NOP56: variants seen among roughly 807,000 people sequenced by gnomAD.
The protein encoded by NOP56 is NOP56 ribonucleoprotein.
NOP56 carries 31 observed loss-of-function variants against 58.3 expected under a neutral mutation model. The ratio of observed to expected loss-of-function variants is 0.53; its 90% CI spans 0.40 to 0.72. The LOEUF (loss-of-function observed/expected upper bound fraction) is 0.72, where lower values mean the gene tolerates loss of function less well. NOP56 is among the 30% of genes least tolerant of loss of function. The pLI is 0.00. For missense variants in NOP56, 669 were observed against 739.9 expected, an observed-to-expected ratio of 0.90 and a Z score of 1.11; for synonymous variants, 313 against 282.8, an observed-to-expected ratio of 1.11 and a Z score of -1.07.
chr20:2,653,186 T>C, intron 2 of NOP56, 93 bp from the exon 3 acceptor site: 2 of 1,070,888 alleles, frequency 1.9e-6, no homozygotes, highest in East Asian at 2.4e-5. Flanking sequence ...ATCAGCATAT[T>C]TTAAGAGCTT....
rs757279494 is a variant in NOP56, at chr20:2,656,420, A to G, written c.1030A>G (p.Asn344Asp). Residue 344 changes from asparagine (N) to aspartate (D), a missense_variant, in exon 9 of 12, where the codon AAC becomes GAC. By Grantham distance (23) the Asn-to-Asp change is conservative. This residue lies in a region of NOP56 where 339 missense variants were observed against 430.5 expected (regional missense o/e 0.79). Coordinates refer to ENST00000329276, the MANE Select transcript of NOP56 (RefSeq NM_006392.4). ...TCTCAGAGCCCTGAAGACAAGGGGT[A>G]ACACTCCAAAATATGGACTCATTTT... is the stretch of plus-strand genomic sequence containing the variant. ...ALFRALKTRG[N>D]TPKYGLIFHS... The G allele has an allele frequency of 3.1e-6, 5 of 1,614,164 alleles. No individual in the cohort carries two copies. The Admixed American group carries it at 5.0e-5, about 16-fold the overall frequency.
intron 1 of NOP56, 80 bp from the exon 2 acceptor site, chr20:2,652,762 T>TGGGCCA (rs775269198): frequency 1.3e-6 from 2 of 1,540,514 alleles, no homozygotes; most frequent in Non-Finnish European, 1.7e-6. Flanking sequence ...GGCCTGCGCC[T>TGGGCCA]GCGCCTGCGC....
In NOP56 at chr20:2,657,913, CT is replaced by C; in HGVS notation, c.1420-15del. On this transcript the variant is annotated splice_polypyrimidine_tract_variant and intron_variant, in intron 11 of 11. Coordinates refer to ENST00000329276, the MANE Select transcript of NOP56 (RefSeq NM_006392.4). ...AGCACTGTTCTCACAGCCTGTTCCC[CT>C]GTCCTTCCCTTTAGGAGATGAGTGA... 3.8e-6 allele frequency: 6 copies of C among 1,562,004 alleles called. No homozygotes were observed. The highest frequency in any genetic ancestry group is 4.3e-6 in the Non-Finnish European group (5 of 1,155,504).
Position 2,656,926 on chromosome 20 carries a change from C to T in NOP56, c.1281+31C>T, listed in dbSNP as rs764220486. ...TTGGGCTTTGCTGGGTGTGGAGTGGCATAGCTAGCTGTTGGAGGTGATGAA... is the reference window on the plus strand; with the variant it reads ...TTGGGCTTTGCTGGGTGTGGAGTGGTATAGCTAGCTGTTGGAGGTGATGAA... On this transcript the variant is annotated intron_variant, in intron 10 of 11. Transcript: ENST00000329276. 10 of 1,613,880 alleles carry T rather than the reference C, an allele frequency of 6.2e-6. 1 individual carries two copies. The South Asian group carries it at 6.6e-5, about 11-fold the overall frequency.
chr20:2,654,792 T>C lies in NOP56; in HGVS notation c.414T>C (p.Asp138=). 1 of 1,614,166 alleles carries C rather than the reference T, an allele frequency of 6.2e-7. No homozygotes were observed. The highest frequency in any genetic ancestry group is 1.1e-5 in the South Asian group (1 of 91,086). ...ACAATCTGGTGAAGGGTCTGACCGATCTGTCAGCTTGTAAAGCACAGCTGG... is the reference window on the plus strand; with the variant it reads ...ACAATCTGGTGAAGGGTCTGACCGACCTGTCAGCTTGTAAAGCACAGCTGG... ...HFHNLVKGLT[D]LSACKAQLGL... The change falls in exon 5 of 12, where the codon GAT becomes GAC. Residue 138 remains aspartate, a synonymous_variant. Coordinates refer to ENST00000329276, the MANE Select transcript of NOP56 (RefSeq NM_006392.4).
intron 11 of NOP56, chr20:2,657,432 GT>G (rs781005078): frequency 5.4e-5 from 41 of 758,754 alleles, no homozygotes; most frequent in Non-Finnish European, 8.2e-5. Flanking sequence ...GCTCACACCC[GT>G]TCCCTGGGCA....
chr20:2,658,377 A>AAAAC lies in NOP56; in HGVS notation c.*87_*90dup. ...CCACCCTGTGCCGTGTTCCCCAATA[A>AAAAC]AAACAAATTCACAAGAGTTGGTTCA... On this transcript the variant is annotated 3_prime_UTR_variant, in exon 12 of 12. Coordinates refer to ENST00000329276, the MANE Select transcript of NOP56 (RefSeq NM_006392.4). 4 of 1,610,084 alleles carry AAAAC rather than the reference A, an allele frequency of 2.5e-6. No homozygotes were observed. The highest frequency in any genetic ancestry group is 1.1e-5 in the South Asian group (1 of 90,070).
chr20:2,658,038 A>C lies in NOP56; in HGVS notation c.1529A>C (p.Lys510Thr). ...TCTTTCTCCAAACCCAAGAAAAAGA[A>C]ATCTTTTTCCAAGGAGGAGTTGATG... ...SISFSKPKKK[K>T]SFSKEELMSS... Residue 510 changes from lysine to threonine, a missense_variant, in exon 12 of 12, where the codon AAA becomes ACA. Transcript: ENST00000329276. 1 of 1,613,508 alleles carries C rather than the reference A, an allele frequency of 6.2e-7. No individual in the cohort carries two copies. Among genetic ancestry groups the C allele is most frequent in the Non-Finnish European group, 8.5e-7 (1 of 1,179,482 alleles).
At chr20:2,653,856 T>G (rs1373121156) in intron 3 of NOP56, 1 of 275,036 alleles carries the variant, frequency 3.6e-6, no homozygotes, top group African/African-American at 2.2e-5. Context: ...GGTTTCACCA[T>G]GTTGGCCAGG....
Position 2,658,381 on chromosome 20 carries a change from C to CA in NOP56, c.*90dup, listed in dbSNP as rs1417094202. On this transcript the variant is annotated 3_prime_UTR_variant, in exon 12 of 12. Transcript: ENST00000329276. ...CCTGTGCCGTGTTCCCCAATAAAAA[C>CA]AAATTCACAAGAGTTGGTTCATGTT... The CA allele has an allele frequency of 6.2e-7, 1 of 1,610,274 alleles. No homozygotes were observed. Among genetic ancestry groups the CA allele is most frequent in the Non-Finnish European group, 8.5e-7 (1 of 1,178,318 alleles).
In NOP56 at chr20:2,655,338, T is replaced by A; in HGVS notation, c.583T>A (p.Tyr195Asn). Reference protein sequence around the residue: ...FSMRVREWYGYHFPELVKIIN... With the variant: ...FSMRVREWYGNHFPELVKIIN... ...GGCTCTTTGCAGGGAGTGGTACGGG[T>A]ATCACTTTCCGGAGCTGGTGAAGAT... The change falls in exon 6 of 12, where the codon TAT becomes AAT. Residue 195 changes from tyrosine (Y) to asparagine (N), a missense_variant. Physicochemically the swap from Tyr to Asn is moderately radical, Grantham distance 143 (BLOSUM62 -2). This residue lies in a region of NOP56 where 339 missense variants were observed against 430.5 expected (regional missense o/e 0.79). Transcript: ENST00000329276. The A allele has an allele frequency of 5.6e-6, 9 of 1,614,072 alleles. No homozygotes were observed. Among genetic ancestry groups the A allele is most frequent in the Non-Finnish European group, 7.6e-6 (9 of 1,180,020 alleles).
At chr20:2,656,973 G>A (rs1351367906) in intron 10 of NOP56, 78 bp downstream of exon 10, 3 of 1,613,598 alleles carry the variant, frequency 1.9e-6, no homozygotes, top group African/African-American at 1.3e-5. Flanking sequence ...TGACCTTGTA[G>A]AATGGAGGCA....
chr20:2,654,753 T>C lies in NOP56; in HGVS notation c.375T>C (p.Val125=). The part of the protein sequence containing the change: ...GGVIAEILRG[V]RLHFHNLVKG... ...ACCGTCTTGCCCTCTTCTTAGGAGTTCGTCTGCACTTCCACAATCTGGTGA... is the reference window on the plus strand; with the variant it reads ...ACCGTCTTGCCCTCTTCTTAGGAGTCCGTCTGCACTTCCACAATCTGGTGA... Residue 125 remains valine (V), a synonymous_variant, in exon 5 of 12, where the codon GTT becomes GTC. Transcript: ENST00000329276. The C allele has an allele frequency of 6.2e-7, 1 of 1,613,776 alleles. No homozygotes were observed. Among genetic ancestry groups the C allele is most frequent in the Non-Finnish European group, 8.5e-7 (1 of 1,180,012 alleles).
In NOP56 at chr20:2,654,166, G is replaced by C. The variant is rs73576051; in HGVS notation, c.209-248G>C. On this transcript the variant is annotated intron_variant, in intron 3 of 11. Transcript: ENST00000329276. ...ACAAGCTATTATTTATTGCCCACTTGTGCTATCAGACCTGAATGCAGTTGT... is the reference window on the plus strand; with the variant it reads ...ACAAGCTATTATTTATTGCCCACTTCTGCTATCAGACCTGAATGCAGTTGT... 4.3e-3 allele frequency: 3,099 copies of C among 717,572 alleles called. 55 individuals carry two copies. In the African/African-American group the frequency reaches 0.045, roughly 10 times the overall value. 44.5% of individuals were successfully genotyped at this position (717,572 alleles called of 1,614,324 possible).
At position 2,653,384 on chromosome 20, in the gene NOP56, G is replaced by T. The variant is rs754696610; in HGVS notation, c.199G>T (p.Val67Leu). 4.3e-6 allele frequency: 7 copies of T among 1,613,630 alleles called. No individual in the cohort carries two copies. In the East Asian group the frequency reaches 1.6e-4, roughly 36 times the overall value. ...GGTTGCCTTGGAAAATGCCAACGCCGTGTCTGAAGGTAAGTCGGCCACCGC... is the reference window on the plus strand; with the variant it reads ...GGTTGCCTTGGAAAATGCCAACGCCTTGTCTGAAGGTAAGTCGGCCACCGC... ...SQVALENANAVSEGVVHEDLR... is the reference protein window; with the variant it reads ...SQVALENANALSEGVVHEDLR... Residue 67 changes from valine to leucine, a missense_variant, in exon 3 of 12, where the codon GTG becomes TTG. By Grantham distance (32) the Val-to-Leu change is conservative (BLOSUM62 1). Around this residue, in one of 3 missense-constraint regions of NOP56, gnomAD observed 121 missense variants for 113.1 expected, o/e 1.07. Transcript: ENST00000329276.
In NOP56 at chr20:2,652,657, C is replaced by A. The variant is rs774999691; in HGVS notation, c.-4C>A. On this transcript the variant is annotated 5_prime_UTR_variant, in exon 1 of 12. Transcript: ENST00000329276. ...ATTGCGAGCCGAACCCGGGAGCTGG[C>A]GCCATGGTGAGGAGTGGTTGCGGGG... The A allele has an allele frequency of 7.0e-7, 1 of 1,430,496 alleles. No individual in the cohort carries two copies. The highest frequency in any genetic ancestry group is 9.1e-7 in the Non-Finnish European group (1 of 1,100,518). 88.6% of individuals were successfully genotyped at this position (1,430,496 alleles called of 1,614,324 possible). A position where few individuals can be genotyped will look rare whatever the true frequency, so the allele number is the denominator to read the frequency against.
At chr20:2,656,965 A>T (rs778409906) in intron 10 of NOP56, 70 bp downstream of exon 10, 2 of 1,613,736 alleles carry the variant, frequency 1.2e-6, no homozygotes, top group South Asian at 2.2e-5. Flanking sequence ...TCTGAGCCTG[A>T]CCTTGTAGAA....
intron 7 of NOP56, 21 bp from the exon 8 acceptor site, chr20:2,655,913 C>T: frequency 6.2e-7 from 1 of 1,614,168 alleles, no homozygotes; most frequent in African/African-American, 1.3e-5. Flanking sequence ...TCTCTGACTG[C>T]TTCCTTGACT....
In NOP56 at chr20:2,653,927, G is replaced by A. The variant is rs373136129; in HGVS notation, c.209-487G>A. On this transcript the variant is annotated intron_variant, in intron 3 of 11. Coordinates refer to ENST00000329276, the MANE Select transcript of NOP56 (RefSeq NM_006392.4). The stretch of plus-strand genomic sequence containing the variant: ...CTCGACCTCCCAAGGTGCTGAGGTT[G>A]CAGGCGCGAGCGACGGTGCCCGGCC... 186 of 337,070 alleles carry A rather than the reference G, an allele frequency of 5.5e-4. 1 individual carries two copies. Among genetic ancestry groups the A allele is most frequent in the African/African-American group, 3.6e-3 (170 of 46,634 alleles). The allele number at this position is 337,070 out of a possible 1,614,324, so 20.9% of individuals were successfully genotyped here.
Sources: gnomAD v4.1 joint callset for allele counts on GRCh38, gnomAD v4.1.1 for gene constraint, gnomAD v4.1.1 regional missense constraint, MANE v1.5 for transcripts, NCBI Gene and HGNC (gene_info 2026-07-23, HGNC 2026-07-21) for gene names.